KLHL32: variants seen among roughly 807,000 people sequenced by gnomAD.
The protein encoded by KLHL32 is kelch like family member 32.
In KLHL32, 35 loss-of-function variants were observed where a neutral mutation model predicts 64.8. The observed-to-expected ratio is 0.54, with a 90% CI of 0.41 to 0.72. The LOEUF (loss-of-function observed/expected upper bound fraction) is 0.72, where lower values mean the gene tolerates loss of function less well. Ranked by LOEUF, KLHL32 falls within the 30% of genes least tolerant of loss-of-function variation. The pLI is 0.00. For missense variants in KLHL32, 589 were observed against 768.5 expected (o/e 0.77, Z 2.76); for synonymous variants, 259 against 281.0 (o/e 0.92, Z 0.78).
At chr6:97,058,024 C>T (rs1244372660) in intron 4 of KLHL32, among the ~76,000 whole-genome samples, 1 of 152,078 alleles carries the variant, frequency 6.6e-6, no homozygotes, top group Non-Finnish European at 1.5e-5. Flanking sequence ...ATTATATTAT[C>T]TATAATATTA....
chr6:97,138,372 C>T (rs1800289980), intron 10 of KLHL32, among the ~76,000 whole-genome samples: 2 of 152,080 alleles, frequency 1.3e-5, no homozygotes, highest in South Asian at 4.1e-4. Context: ...GAGCCCATCA[C>T]TACAGAAAAT....
At chr6:97,119,040 G>A (rs1002191153) in intron 7 of KLHL32, among the ~76,000 whole-genome samples, 1 of 152,098 alleles carries the variant, frequency 6.6e-6, no homozygotes, top group African/African-American at 2.4e-5. Context: ...ACTCCTCCCT[G>A]TCCTCACACT....
In KLHL32 at chr6:97,004,951, T is replaced by C. The variant is rs1431641788; in HGVS notation, c.204+28774T>C. On this transcript the variant is annotated intron_variant, in intron 3 of 10. Coordinates refer to ENST00000369261, the MANE Select transcript of KLHL32 (RefSeq NM_052904.4). ...TGAAGTTTTCTTTCTTTTTTTTTTG[T>C]TATGGGTCTGCTAGGTTTTGGTATC... 2.0e-5 allele frequency among the ~76,000 whole-genome samples: 3 copies of C among 152,112 alleles called. No individual in the cohort carries two copies. In the East Asian group the frequency reaches 5.8e-4, roughly 29 times the overall value.
At chr6:96,935,326 AT>A (rs1770450997) in intron 1 of KLHL32, among the ~76,000 whole-genome samples, 1 of 152,186 alleles carries the variant, frequency 6.6e-6, no homozygotes, top group African/African-American at 2.4e-5. Flanking sequence ...ACTTAATAAT[AT>A]TTTGACTTGA....
At chr6:96,938,870 C>A (rs1770935606) in intron 1 of KLHL32, among the ~76,000 whole-genome samples, 1 of 152,166 alleles carries the variant, frequency 6.6e-6, no homozygotes, top group Admixed American at 6.5e-5. Flanking sequence ...ACAGACTCAG[C>A]ACCCAGTACG....
chr6:96,920,967 T>C (rs1303857938), upstream of KLHL32, among the ~76,000 whole-genome samples: 3 of 152,188 alleles, frequency 2.0e-5, no homozygotes, highest in African/African-American at 7.2e-5. Flanking sequence ...AATGTAAATA[T>C]TGACAAGTTG....
At chr6:96,973,728 G>A (rs944477939) in intron 2 of KLHL32, among the ~76,000 whole-genome samples, 1 of 50,826 alleles carries the variant, frequency 2.0e-5, no homozygotes, top group Non-Finnish European at 4.1e-5. Context: ...TTTACAGATT[G>A]CCTTTTTTTT....
At chr6:96,960,097 G>A (rs1344959582) in intron 1 of KLHL32, among the ~76,000 whole-genome samples, 2 of 152,104 alleles carry the variant, frequency 1.3e-5, no homozygotes, top group Non-Finnish European at 2.9e-5. Context: ...TACAGAATAG[G>A]GGTAGTAAAT....
At chr6:96,983,013 G>C (rs1180593843) in intron 3 of KLHL32, among the ~76,000 whole-genome samples, 3 of 152,234 alleles carry the variant, frequency 2.0e-5, no homozygotes, top group Non-Finnish European at 2.9e-5. Flanking sequence ...ATTGGCCGTG[G>C]GTTTGTGATA....
At chr6:97,128,624 G>A (rs560192582) in intron 8 of KLHL32, among the ~76,000 whole-genome samples, 24 of 152,332 alleles carry the variant, frequency 1.6e-4, no homozygotes, top group Non-Finnish European at 3.1e-4. Flanking sequence ...CCTTTGTGGA[G>A]AGTCGATAAT....
the KLHL32 span, among the ~76,000 whole-genome samples, chr6:96,912,016 C>A: frequency 6.6e-6 from 1 of 151,812 alleles, no homozygotes; most frequent in Non-Finnish European, 1.5e-5. Context: ...ATCACTCCAG[C>A]CATCTGCTTT....
intron 1 of KLHL32, among the ~76,000 whole-genome samples, chr6:96,957,794 A>G (rs1043684311): frequency 1.3e-5 from 2 of 152,230 alleles, no homozygotes; most frequent in African/African-American, 4.8e-5. Context: ...AGCTGTATTC[A>G]TGAGGGTGAC....
chr6:96,918,801 C>T, the KLHL32 span, among the ~76,000 whole-genome samples: 2 of 152,096 alleles, frequency 1.3e-5, no homozygotes, highest in Non-Finnish European at 2.9e-5. Flanking sequence ...TCTGATTCCA[C>T]TGGAAATGTG....
chr6:96,904,339 C>CAAAAAAAAAAAAAAAAAGAAAAAAAAA, the KLHL32 span, among the ~76,000 whole-genome samples: 1 of 106,102 alleles, frequency 9.4e-6, no homozygotes, highest in Non-Finnish European at 1.9e-5. Context: ...AAGACTTTGT[C>CAAAAAAAAAAAAAAAAAGAAAAAAAAA]AAAAAAAAAA....
intron 5 of KLHL32, among the ~76,000 whole-genome samples, chr6:97,077,733 A>C (rs1293822266): frequency 6.6e-6 from 1 of 152,164 alleles, no homozygotes; most frequent in Non-Finnish European, 1.5e-5. Flanking sequence ...TCTATAACCA[A>C]GCTATTATTT....
chr6:96,899,001 T>C, the KLHL32 span, among the ~76,000 whole-genome samples: 6 of 152,164 alleles, frequency 3.9e-5, no homozygotes, highest in East Asian at 9.6e-4. Flanking sequence ...AGAATAATAA[T>C]AATAAAACAA....
chr6:97,024,975 C>A, intron 3 of KLHL32: 1 of 984,160 alleles, frequency 1.0e-6, no homozygotes, highest in Middle Eastern at 5.2e-4. Context: ...AATTTGCATT[C>A]ATGCTTATTT....
chr6:97,045,107 T>C (rs1218699572), intron 4 of KLHL32, among the ~76,000 whole-genome samples: 1 of 152,200 alleles, frequency 6.6e-6, no homozygotes, highest in African/African-American at 2.4e-5. Context: ...TTGAGGCAAC[T>C]CTGGCAGCTA....
At chr6:96,981,659 A>G (rs897589269) in intron 3 of KLHL32, among the ~76,000 whole-genome samples, 5 of 152,086 alleles carry the variant, frequency 3.3e-5, no homozygotes, top group African/African-American at 9.7e-5. Context: ...TTAACGTGAC[A>G]TCTTTCTAAC....
Sources: allele counts gnomAD v4.1 joint callset (sites outside exome capture counted in the v4.1 genomes callset), GRCh38; gene constraint gnomAD v4.1.1; transcripts MANE v1.5; gene names NCBI Gene and HGNC (gene_info 2026-07-23, HGNC 2026-07-21).